RAB2A: variants seen among roughly 807,000 people sequenced by gnomAD.
RAB2A encodes the protein RAB2A, member RAS oncogene family.
In RAB2A, 7 loss-of-function variants were observed where a neutral mutation model predicts 32.5. The ratio of observed to expected loss-of-function variants is 0.22; its 90% CI spans 0.12 to 0.40. The LOEUF is 0.40. RAB2A is among the 10% of genes least tolerant of loss of function. The probability of loss-of-function intolerance (pLI) is 1.00; values close to 1 mark genes in which losing one functional copy is unlikely to be tolerated. For synonymous variants in RAB2A, 79 were observed against 85.2 expected, an observed-to-expected ratio of 0.93 and a Z score of 0.40; for missense variants, 108 against 260.7, an observed-to-expected ratio of 0.41 and a Z score of 4.03.
chr8:60,570,543 A>G (rs1442854229), intron 2 of RAB2A, among the ~76,000 whole-genome samples: 2 of 152,202 alleles, frequency 1.3e-5, no homozygotes, highest in African/African-American at 2.4e-5. Flanking sequence ...ATGAATATAT[A>G]TATTCATATA....
intron 6 of RAB2A, among the ~76,000 whole-genome samples, chr8:60,617,940 A>G (rs1368799600): frequency 6.6e-6 from 1 of 152,116 alleles, no homozygotes; most frequent in East Asian, 1.9e-4. Context: ...GGATTTGCCT[A>G]TTCTAGACAT....
intron 1 of RAB2A, among the ~76,000 whole-genome samples, chr8:60,521,299 G>A (rs1027662048): frequency 1.8e-4 from 27 of 152,140 alleles, no homozygotes; most frequent in African/African-American, 5.6e-4. Context: ...TGGGCATGGG[G>A]GAATGTCTGG....
intron 1 of RAB2A, among the ~76,000 whole-genome samples, chr8:60,542,359 C>CA (rs1337006155): frequency 1.3e-5 from 2 of 151,904 alleles, no homozygotes; most frequent in Admixed American, 1.3e-4. Context: ...ACTAAAAATA[C>CA]AAAAAATTAG....
At chr8:60,608,048 A>C (rs996992094) in intron 6 of RAB2A, among the ~76,000 whole-genome samples, 1 of 152,130 alleles carries the variant, frequency 6.6e-6, no homozygotes, top group African/African-American at 2.4e-5. Context: ...ACCACGGCCA[A>C]GGTCATCCTG....
chr8:60,601,149 G>T (rs1804127849), intron 6 of RAB2A, among the ~76,000 whole-genome samples: 1 of 152,036 alleles, frequency 6.6e-6, no homozygotes. Context: ...ATGGAATATG[G>T]CTATAGAAGC....
chr8:60,608,450 G>C (rs769020453), intron 6 of RAB2A, among the ~76,000 whole-genome samples: 4 of 149,852 alleles, frequency 2.7e-5, no homozygotes, highest in Admixed American at 6.6e-5. Context: ...CTCTCTCTCT[G>C]TGTCTCCCCG....
At chr8:60,581,080 A>G (rs1649756336) in intron 3 of RAB2A, among the ~76,000 whole-genome samples, 1 of 152,216 alleles carries the variant, frequency 6.6e-6, no homozygotes, top group South Asian at 2.1e-4. Flanking sequence ...GATGCCTGAA[A>G]TTGCAGATAG....
chr8:60,582,527 G>C (rs1400696805), intron 3 of RAB2A, among the ~76,000 whole-genome samples: 1 of 151,858 alleles, frequency 6.6e-6, no homozygotes, highest in Non-Finnish European at 1.5e-5. Context: ...TTGTTTTTTT[G>C]TTTTTGTTTT....
In RAB2A at chr8:60,622,717, G is replaced by A. The variant is rs1804548613; in HGVS notation, c.*1948G>A. The A allele has an allele frequency of 6.6e-6, 1 of 152,074 alleles. No individual in the cohort carries two copies. Among genetic ancestry groups the A allele is most frequent in the Non-Finnish European group, 1.5e-5 (1 of 68,006 alleles). The allele number at this position is 152,074 out of a possible 1,614,324, so 9.4% of individuals were successfully genotyped here. ...TAATGGCAAATAAACAACAAACCAG[G>A]ACATGCATTTTAATACCCTAAGGAA... is the stretch of plus-strand genomic sequence containing the variant. On this transcript the variant is annotated 3_prime_UTR_variant, in exon 8 of 8. Transcript: ENST00000262646.
intron 6 of RAB2A, among the ~76,000 whole-genome samples, chr8:60,614,081 T>C (rs1379133905): frequency 1.3e-5 from 2 of 151,968 alleles, no homozygotes; most frequent in Non-Finnish European, 2.9e-5. Flanking sequence ...TTGAAGATCA[T>C]TTATTTTCAA....
chr8:60,598,316 A>T (rs993469506), intron 6 of RAB2A, among the ~76,000 whole-genome samples: 1 of 152,184 alleles, frequency 6.6e-6, no homozygotes, highest in South Asian at 2.1e-4. Context: ...GAATTCTACC[A>T]GACGTTTAAA....
intron 1 of RAB2A, among the ~76,000 whole-genome samples, chr8:60,544,564 TTTTTTTTTA>T (rs1807698834): frequency 4.3e-5 from 6 of 139,810 alleles, no homozygotes; most frequent in Non-Finnish European, 9.1e-5. Flanking sequence ...TTTTTTTTTT[TTTTTTTTTA>T]AAATAGAGAT....
In RAB2A at chr8:60,533,441, A is replaced by G. The variant is rs113720992; in HGVS notation, c.46+16188A>G. 3.9e-3 allele frequency among the ~76,000 whole-genome samples: 589 copies of G among 152,376 alleles called. 5 individuals are homozygous for G. Among genetic ancestry groups the G allele is most frequent in the African/African-American group, 0.014 (566 of 41,584 alleles). On this transcript the variant is annotated intron_variant, in intron 1 of 7. Transcript: ENST00000262646. ...TAAAAAAGAAGACTTAAAGGAGAAT[A>G]TAATAATGACTTTCAGATACTTAGG...
At chr8:60,607,442 A>AAC (rs1359586595) in intron 6 of RAB2A, among the ~76,000 whole-genome samples, 1 of 151,458 alleles carries the variant, frequency 6.6e-6, no homozygotes, top group Non-Finnish European at 1.5e-5. Flanking sequence ...AAAAAAAAAA[A>AAC]AAAAAAAGGT....
At chr8:60,573,632 A>G (rs527560926) in intron 3 of RAB2A, among the ~76,000 whole-genome samples, 11 of 152,346 alleles carry the variant, frequency 7.2e-5, no homozygotes, top group African/African-American at 2.6e-4. Context: ...AAAGCATCTC[A>G]AAACATTTGA....
rs1166075421 is a variant in RAB2A at position 60,619,559 on chromosome 8, AT to A, written c.543+917del. ...ACCTAAGGTTTCCAAAAAGTACATG[AT>A]TTTTTCATTGTTTAATTTGGAGTAA... On this transcript the variant is annotated intron_variant, in intron 7 of 7. Transcript: ENST00000262646. 2.0e-5 allele frequency among the ~76,000 whole-genome samples: 3 copies of A among 152,146 alleles called. No individual in the cohort carries two copies. In the South Asian group the frequency reaches 6.2e-4, roughly 32 times the overall value.
intron 1 of RAB2A, among the ~76,000 whole-genome samples, chr8:60,557,914 A>G (rs796753196): frequency 3.5e-4 from 53 of 152,178 alleles, no homozygotes; most frequent in African/African-American, 1.2e-3. Context: ...CAGTCATTAT[A>G]ATTATTTCAA....
intron 1 of RAB2A, among the ~76,000 whole-genome samples, chr8:60,551,322 T>C (rs1586077505): frequency 6.6e-6 from 1 of 152,254 alleles, no homozygotes; most frequent in Non-Finnish European, 1.5e-5. Context: ...GAGATACATG[T>C]GGCTAATGCT....
chr8:60,517,246 C>CGACACAGGTGAGG lies in RAB2A; in HGVS notation c.41_46+7dup. The CGACACAGGTGAGG allele has an allele frequency of 6.7e-7, 1 of 1,488,854 alleles. No homozygotes were observed. The highest frequency in any genetic ancestry group is 8.9e-7 in the Non-Finnish European group (1 of 1,118,158). 92.2% of individuals were successfully genotyped at this position (1,488,854 alleles called of 1,614,324 possible). A position where few individuals can be genotyped will look rare whatever the true frequency, so the allele number is the denominator to read the frequency against. ...ATCTCTTCAAGTACATCATAATCGG[C>CGACACAGGTGAGG]GACACAGGTGAGGGCCCCGGGCGCG... On this transcript the variant is annotated frameshift_variant, in exon 1 of 8. Coordinates refer to ENST00000262646, the MANE Select transcript of RAB2A (RefSeq NM_002865.3). LOFTEE classifies it high-confidence loss of function.
Sources: gnomAD v4.1 joint callset for allele counts (sites outside exome capture counted in the v4.1 genomes callset) on GRCh38, gnomAD v4.1.1 for gene constraint, MANE v1.5 for transcripts, NCBI Gene and HGNC (gene_info 2026-07-23, HGNC 2026-07-21) for gene names.